NUBP1: variants seen among roughly 807,000 people sequenced by gnomAD.
NUBP1 encodes NUBP iron-sulfur cluster assembly factor 1, cytosolic, also known as cytosolic Fe-S cluster assembly factor NUBP1.
Under a neutral mutation model 41.8 loss-of-function variants are expected in NUBP1, and 46 were observed. The ratio of observed to expected loss-of-function variants is 1.10; its 90% CI spans 0.87 to 1.41. The LOEUF (loss-of-function observed/expected upper bound fraction) is 1.41, where lower values mean the gene tolerates loss of function less well. NUBP1 is among the 40% of genes most tolerant of loss of function. The probability of loss-of-function intolerance (pLI) is 0.00; values close to 1 mark genes in which losing one functional copy is unlikely to be tolerated. For synonymous variants in NUBP1, 189 were observed against 154.6 expected (o/e 1.22, Z -1.65); for missense variants, 494 against 414.0 (o/e 1.19, Z -1.68).
Position 10,743,846 on chromosome 16 carries a change from G to A in NUBP1, c.-18G>A, listed in dbSNP as rs376710722. ...GACAGCGGGTTCCGGTGACCACGAAGGCGGCAAAGGCGACGGAATGGAGGA... is the reference window on the plus strand; with the variant it reads ...GACAGCGGGTTCCGGTGACCACGAAAGCGGCAAAGGCGACGGAATGGAGGA... On this transcript the variant is annotated 5_prime_UTR_variant, in exon 1 of 11. Coordinates refer to ENST00000283027, the MANE Select transcript of NUBP1 (RefSeq NM_002484.4). 6.5e-5 allele frequency: 101 copies of A among 1,558,906 alleles called. 1 individual carries two copies. In the African/African-American group the frequency reaches 1.1e-3, roughly 18 times the overall value.
rs2030918533 is a variant in NUBP1, at chr16:10,766,641, T to C, written c.821-1308T>C. ...CGGCGGAGGATGTCCAGGTTCTTGGTGTCTGGAACAAAAAATTGGACAAAA... is the reference window on the plus strand; with the variant it reads ...CGGCGGAGGATGTCCAGGTTCTTGGCGTCTGGAACAAAAAATTGGACAAAA... On this transcript the variant is annotated intron_variant, in intron 9 of 10. Transcript: ENST00000283027. The surrounding 1 kb of genome is among the most constrained non-coding windows in gnomAD (Gnocchi z 4.8). 1 of 244,268 alleles carries C rather than the reference T, an allele frequency of 4.1e-6. No individual in the cohort carries two copies. Among genetic ancestry groups the C allele is most frequent in the African/African-American group, 2.2e-5 (1 of 44,752 alleles). The allele number at this position is 244,268 out of a possible 1,614,324, so 15.1% of individuals were successfully genotyped here. A position where few individuals can be genotyped will look rare whatever the true frequency, so the allele number is the denominator to read the frequency against.
Position 10,765,705 on chromosome 16 carries a change from T to G in NUBP1, c.821-2244T>G, listed in dbSNP as rs2030778692. 6.6e-6 allele frequency among the ~76,000 whole-genome samples: 1 copy of G among 152,220 alleles called. No individual in the cohort carries two copies. Among genetic ancestry groups the G allele is most frequent in the Non-Finnish European group, 1.5e-5 (1 of 68,054 alleles). ...TCACACCAAGCCCTGGCATTGGCCC[T>G]GGTCTTTCCTTTCAGGGCCACTTTT... On this transcript the variant is annotated intron_variant, in intron 9 of 10. Transcript: ENST00000283027. The surrounding 1 kb of genome is among the most constrained non-coding windows in gnomAD (Gnocchi z 4.0).
rs533208449 is a variant in NUBP1 at position 10,765,327 on chromosome 16, TAAAAAAAAAA to T, written c.821-2609_821-2600del. ...TAACACAGGAAGATACCTCATCTCT[TAAAAAAAAAA>T]AAAAAAAAAAAAGGAAAAAATTCAC... On this transcript the variant is annotated intron_variant, in intron 9 of 10. Coordinates refer to ENST00000283027, the MANE Select transcript of NUBP1 (RefSeq NM_002484.4). The surrounding 1 kb of genome is among the most constrained non-coding windows in gnomAD (Gnocchi z 4.0). 2.7e-5 allele frequency among the ~76,000 whole-genome samples: 3 copies of T among 111,270 alleles called. No homozygotes were observed. Among genetic ancestry groups the T allele is most frequent in the African/African-American group, 1.0e-4 (3 of 29,356 alleles). The allele number at this position is 111,270 out of a possible 152,430, so 73.0% of individuals were successfully genotyped here.
rs142140655 is a variant in NUBP1 at position 10,753,311 on chromosome 16, G to C, written c.327+633G>C. Among the ~76,000 whole-genome samples, 36 of 152,274 alleles carry C rather than the reference G, an allele frequency of 2.4e-4. 1 individual carries two copies. The East Asian group carries it at 6.9e-3, about 29-fold the overall frequency. ...GACACGGAAATTTAGCTCTGACTGGGAACATTAGACCAGGGCTTGCTATGG... is the reference window on the plus strand; with the variant it reads ...GACACGGAAATTTAGCTCTGACTGGCAACATTAGACCAGGGCTTGCTATGG... On this transcript the variant is annotated intron_variant, in intron 4 of 10. Coordinates refer to ENST00000283027, the MANE Select transcript of NUBP1 (RefSeq NM_002484.4).
rs2030885772 is a variant in NUBP1, at chr16:10,766,448, G to C, written c.821-1501G>C. Among the ~76,000 whole-genome samples, 1 of 152,108 alleles carries C rather than the reference G, an allele frequency of 6.6e-6. No individual in the cohort carries two copies. Among genetic ancestry groups the C allele is most frequent in the Non-Finnish European group, 1.5e-5 (1 of 68,012 alleles). On this transcript the variant is annotated intron_variant, in intron 9 of 10. Transcript: ENST00000283027. The surrounding 1 kb of genome is among the most constrained non-coding windows in gnomAD (Gnocchi z 4.8). The stretch of plus-strand genomic sequence containing the variant: ...AACACTAGAGCATATATGTGTGTTG[G>C]GGGCTGGGGAGCCCTCTGGGGAAGG...
At position 10,745,458 on chromosome 16, in the gene NUBP1, G is replaced by GA. The variant is rs779403195; in HGVS notation, c.124+1404dup. Among the ~76,000 whole-genome samples, 531 of 146,118 alleles carry GA rather than the reference G, an allele frequency of 3.6e-3. 6 individuals carry two copies. Among genetic ancestry groups the GA allele is most frequent in the East Asian group, 0.012 (61 of 5,048 alleles). On this transcript the variant is annotated intron_variant, in intron 2 of 10. Transcript: ENST00000283027. ...TGACAGAGTGAGACCCTGTCTCAAA[G>GA]AAAAAAAAAAATGAAGAGAAAAATA... is the stretch of plus-strand genomic sequence containing the variant.
intron 4 of NUBP1, among the ~76,000 whole-genome samples, chr16:10,753,352 G>A (rs1303501647): frequency 1.3e-5 from 2 of 152,178 alleles, no homozygotes; most frequent in South Asian, 2.1e-4. Context: ...TACCCTGGAA[G>A]CAAGGGAATA....
chr16:10,744,784 G>A lies in NUBP1; in HGVS notation c.124+719G>A, dbSNP rs572166575. Among the ~76,000 whole-genome samples, 8 of 151,192 alleles carry A rather than the reference G, an allele frequency of 5.3e-5. No individual in the cohort carries two copies. The East Asian group carries it at 9.7e-4, about 18-fold the overall frequency. On this transcript the variant is annotated intron_variant, in intron 2 of 10. Transcript: ENST00000283027. ...TTTTCCCCCTTTTTTTTTAGACAGA[G>A]TCTTGCTGTGTAGCCCAGACCAGAG...
chr16:10,761,772 T>C lies in NUBP1; in HGVS notation c.733T>C (p.Phe245Leu), dbSNP rs780789103. 1.2e-6 allele frequency: 2 copies of C among 1,613,872 alleles called. No homozygotes were observed. The highest frequency in any genetic ancestry group is 1.7e-5 in the Admixed American group (1 of 60,002). The change falls in exon 9 of 11, where the codon TTC (phenylalanine) becomes CTC (leucine). Residue 245 changes from phenylalanine to leucine, a missense_variant. Transcript: ENST00000283027. ...TGCCTTGCAGAAAGAATCTCAGATATTCCCTCCCACAACCGGGGGCGCGGA... is the reference window on the plus strand; with the variant it reads ...TGCCTTGCAGAAAGAATCTCAGATACTCCCTCCCACAACCGGGGGCGCGGA... ...CPKCKKESQI[F>L]PPTTGGAELM...
intron 6 of NUBP1, 71 bp downstream of exon 6, chr16:10,756,851 C>T: frequency 1.6e-6 from 2 of 1,218,694 alleles, no homozygotes; most frequent in Non-Finnish European, 2.3e-6. Context: ...TTTATCTGCT[C>T]CCTGTCCTGC....
At position 10,766,899 on chromosome 16, in the gene NUBP1, T is replaced by G; in HGVS notation, c.821-1050T>G. ...AGGACATTTCCTGTTATGGCTCAAG[T>G]GCGAATTGGCCTTATGTTCCCTGCC... is the stretch of plus-strand genomic sequence containing the variant. On this transcript the variant is annotated intron_variant, in intron 9 of 10. Transcript: ENST00000283027. This position sits in a 1 kb window ranked among gnomAD's most constrained non-coding sequence, Gnocchi z 4.8. The G allele has an allele frequency of 2.5e-6, 1 of 398,600 alleles. No homozygotes were observed. The highest frequency in any genetic ancestry group is 4.4e-6 in the Non-Finnish European group (1 of 226,078). 24.7% of individuals were successfully genotyped at this position (398,600 alleles called of 1,614,324 possible).
Position 10,767,772 on chromosome 16 carries a change from C to T in NUBP1, c.821-177C>T, listed in dbSNP as rs140114185. 6 of 606,856 alleles carry T rather than the reference C, an allele frequency of 9.9e-6. No homozygotes were observed. The East Asian group carries it at 1.7e-4, about 17-fold the overall frequency. 37.6% of individuals were successfully genotyped at this position (606,856 alleles called of 1,614,324 possible). ...GCCACGCTGAAATGCTGGCTGGGGA[C>T]CCTGCTGGAAGGAAGGTCCCTGAGA... On this transcript the variant is annotated intron_variant, in intron 9 of 10. Transcript: ENST00000283027. The surrounding 1 kb of genome is among the most constrained non-coding windows in gnomAD (Gnocchi z 4.6).
At chr16:10,753,148 C>A (rs1405263928) in intron 4 of NUBP1, among the ~76,000 whole-genome samples, 1 of 152,076 alleles carries the variant, frequency 6.6e-6, no homozygotes, top group Admixed American at 6.6e-5. Context: ...GTCCATCTGT[C>A]TACTTTTAAC....
Position 10,744,210 on chromosome 16 carries a change from AG to A in NUBP1, c.124+149del, listed in dbSNP as rs1230934403. On this transcript the variant is annotated intron_variant, in intron 2 of 10. Transcript: ENST00000283027. ...TATTCGGAGAGGGGTGGGGCCCAGAAGGGGCGGGGCGTGGAAAGTGGGCAGG... is the reference window on the plus strand; with the variant it reads ...TATTCGGAGAGGGGTGGGGCCCAGAAGGGCGGGGCGTGGAAAGTGGGCAGG... 2.2e-5 allele frequency: 17 copies of A among 784,594 alleles called. No homozygotes were observed. The East Asian group carries it at 4.9e-4, about 22-fold the overall frequency. 48.6% of individuals were successfully genotyped at this position (784,594 alleles called of 1,614,324 possible).
rs1447441065 is a variant in NUBP1 at position 10,765,865 on chromosome 16, T to C, written c.821-2084T>C. On this transcript the variant is annotated intron_variant, in intron 9 of 10. Coordinates refer to ENST00000283027, the MANE Select transcript of NUBP1 (RefSeq NM_002484.4). The surrounding 1 kb of genome is among the most constrained non-coding windows in gnomAD (Gnocchi z 4.0). Reference sequence around the variant, plus strand: ...AGTGGGCATGGTCCTGTGTGTCAAATGGCACATTGCAGAAGCTCACCTTGA... The same window carrying C: ...AGTGGGCATGGTCCTGTGTGTCAAACGGCACATTGCAGAAGCTCACCTTGA... 6.6e-6 allele frequency among the ~76,000 whole-genome samples: 1 copy of C among 152,186 alleles called. No homozygotes were observed. The highest frequency in any genetic ancestry group is 2.1e-4 in the South Asian group (1 of 4,834).
rs1478566228 is a variant in NUBP1 at position 10,761,739 on chromosome 16, T to G, written c.718-18T>G. 3 of 1,601,172 alleles carry G rather than the reference T, an allele frequency of 1.9e-6. No individual in the cohort carries two copies. Among genetic ancestry groups the G allele is most frequent in the Admixed American group, 3.4e-5 (2 of 59,634 alleles). ...TGCAAAAAAATTATGTTTCCTCCCC[T>G]TTGAATTTGCCTTGCAGAAAGAATC... is the stretch of plus-strand genomic sequence containing the variant. On this transcript the variant is annotated intron_variant, in intron 8 of 10. Transcript: ENST00000283027.
chr16:10,745,084 G>A (rs930014758), intron 2 of NUBP1, among the ~76,000 whole-genome samples: 1 of 151,802 alleles, frequency 6.6e-6, no homozygotes, highest in African/African-American at 2.4e-5. Context: ...AAGGAGTTCA[G>A]AGAGAGACTT....
intron 3 of NUBP1, among the ~76,000 whole-genome samples, chr16:10,750,255 G>GT (rs1334985929): frequency 2.0e-5 from 3 of 151,990 alleles, no homozygotes; most frequent in Non-Finnish European, 4.4e-5. Flanking sequence ...TTTTTTGTTT[G>GT]TTTTTTTGAG....
At position 10,747,183 on chromosome 16, in the gene NUBP1, C is replaced by T. The variant is rs1350122526; in HGVS notation, c.165C>T (p.His55=). The change falls in exon 3 of 11, where the codon CAC becomes CAT. Residue 55 remains histidine (H), a synonymous_variant. Coordinates refer to ENST00000283027, the MANE Select transcript of NUBP1 (RefSeq NM_002484.4). ...AAGAGAAAATGAAGACTGTAAAACA[C>T]AAAATCTTGGTATTGTCTGGGAAAG... ...EIKEKMKTVK[H]KILVLSGKGG... is the part of the protein sequence containing the mutation. 6.2e-7 allele frequency: 1 copy of T among 1,614,176 alleles called. No homozygotes were observed. Among genetic ancestry groups the T allele is most frequent in the Non-Finnish European group, 8.5e-7 (1 of 1,180,032 alleles).
Sources: allele counts gnomAD v4.1 joint callset (sites outside exome capture counted in the v4.1 genomes callset), GRCh38; gene constraint gnomAD v4.1.1; non-coding constraint Gnocchi (gnomAD v3.1); transcripts MANE v1.5; gene names NCBI Gene and HGNC (gene_info 2026-07-23, HGNC 2026-07-21).